RABGAP1: variants seen among roughly 807,000 people sequenced by gnomAD.
RABGAP1 encodes the protein rab GTPase-activating protein 1.
In RABGAP1, 23 loss-of-function variants were observed where a neutral mutation model predicts 137.6. The ratio of observed to expected loss-of-function variants is 0.17; its 90% CI spans 0.12 to 0.24. The LOEUF is 0.24. Among genes scored for constraint, RABGAP1 ranks in the 10% least tolerant of loss-of-function variants. RABGAP1 has a pLI of 1.00. For synonymous variants in RABGAP1, 451 were observed against 450.7 expected, an observed-to-expected ratio of 1.00 and a Z score of -0.01; for missense variants, 906 against 1,275.8, an observed-to-expected ratio of 0.71 and a Z score of 4.42.
At position 122,998,782 on chromosome 9, in the gene RABGAP1, A is replaced by G. The variant is rs1192926047; in HGVS notation, c.1374+16A>G. On this transcript the variant is annotated intron_variant, in intron 10 of 25. Transcript: ENST00000373647. ...ACTAAAACAGGTACTGTATTTTTCTATTAATATAGAAGGGGGAATAAGAAA... is the reference window on the plus strand; with the variant it reads ...ACTAAAACAGGTACTGTATTTTTCTGTTAATATAGAAGGGGGAATAAGAAA... 16 of 1,503,640 alleles carry G rather than the reference A, an allele frequency of 1.1e-5. No individual in the cohort carries two copies. Among genetic ancestry groups the G allele is most frequent in the Non-Finnish European group, 1.5e-5 (16 of 1,098,144 alleles). 93.1% of individuals were successfully genotyped at this position (1,503,640 alleles called of 1,614,324 possible).
At chr9:123,102,952 T>A in intron 25 of RABGAP1, 139 bp from the exon 26 acceptor site, 1 of 1,190,744 alleles carries the variant, frequency 8.4e-7, no homozygotes. Flanking sequence ...CAGGCATTTC[T>A]ATGCCAGTTG....
intron 13 of RABGAP1, among the ~76,000 whole-genome samples, chr9:123,028,570 A>G (rs1417213440): frequency 6.6e-6 from 1 of 152,214 alleles, no homozygotes; most frequent in Non-Finnish European, 1.5e-5. Flanking sequence ...GTCAGAGAGA[A>G]CAGCGTGTAC....
chr9:123,035,084 A>G (rs1168660941), intron 13 of RABGAP1: 1 of 1,614,014 alleles, frequency 6.2e-7, no homozygotes, highest in Non-Finnish European at 8.5e-7. Context: ...AAACCTGGAT[A>G]TCATGGAGAT....
intron 5 of RABGAP1, 110 bp downstream of exon 5, chr9:122,989,581 C>T (rs2131774870): frequency 1.6e-6 from 2 of 1,225,288 alleles, no homozygotes; most frequent in East Asian, 5.0e-5. Flanking sequence ...ATGAAATTCT[C>T]TGCTATTGTT....
chr9:123,016,243 A>G (rs2031219358), intron 12 of RABGAP1, among the ~76,000 whole-genome samples: 1 of 152,188 alleles, frequency 6.6e-6, no homozygotes. Context: ...GTAGTGGTTC[A>G]TGCCTGTAAT....
intron 19 of RABGAP1, among the ~76,000 whole-genome samples, chr9:123,086,156 A>G (rs2132197298): frequency 6.6e-6 from 1 of 152,304 alleles, no homozygotes; most frequent in South Asian, 2.1e-4. Context: ...GGACGAGAGT[A>G]TGAGGGAAGG....
intron 2 of RABGAP1, among the ~76,000 whole-genome samples, chr9:122,967,569 T>TG (rs1393819988): frequency 6.6e-6 from 1 of 152,196 alleles, no homozygotes; most frequent in African/African-American, 2.4e-5. Flanking sequence ...AAATCCATCT[T>TG]GTCTCCTTTT....
chr9:123,101,245 C>T (rs1270941765), intron 24 of RABGAP1, among the ~76,000 whole-genome samples: 1 of 152,132 alleles, frequency 6.6e-6, no homozygotes, highest in African/African-American at 2.4e-5. Flanking sequence ...AGTTTATCCC[C>T]TGCTTTTTTG....
chr9:122,990,074 A>T lies in RABGAP1; in HGVS notation c.784A>T (p.Ser262Cys), dbSNP rs1209855390. ...IQEAVSRILY[S>C]FATAFRRSAK... ...GTTGTAGGTAAGCCGGATACTTTAC[A>T]GTTTTGCCACTGCCTTCCGCCGTTC... The change falls in exon 6 of 26, where the codon AGT (serine) becomes TGT (cysteine). Residue 262 changes from serine to cysteine, a missense_variant. Ser to Cys is a moderately radical substitution (Grantham distance 112). This residue lies in a region of RABGAP1 where 331 missense variants were observed against 358.3 expected (regional missense o/e 0.92). Coordinates refer to ENST00000373647, the MANE Select transcript of RABGAP1 (RefSeq NM_012197.4). 1 of 1,608,482 alleles carries T rather than the reference A, an allele frequency of 6.2e-7. No individual in the cohort carries two copies. Among genetic ancestry groups the T allele is most frequent in the Admixed American group, 1.7e-5 (1 of 59,770 alleles).
chr9:123,003,394 C>G (rs1289049728), intron 10 of RABGAP1, among the ~76,000 whole-genome samples: 1 of 152,150 alleles, frequency 6.6e-6, no homozygotes, highest in Non-Finnish European at 1.5e-5. Flanking sequence ...GAGAAACATG[C>G]TACTTTTGTC....
At chr9:123,033,405 A>C (rs1457203352) in intron 13 of RABGAP1, 7 of 152,198 alleles carry the variant, frequency 4.6e-5, no homozygotes, top group Non-Finnish European at 7.3e-5. Context: ...GGGGGATTCC[A>C]GACAGACGAG....
At chr9:122,934,093 T>C in the RABGAP1 span, among the ~76,000 whole-genome samples, 1 of 151,298 alleles carries the variant, frequency 6.6e-6, no homozygotes, top group Non-Finnish European at 1.5e-5. Context: ...TTTTTTTTTT[T>C]TTGAGACAGA....
intron 2 of RABGAP1, among the ~76,000 whole-genome samples, chr9:122,968,349 A>C (rs990896610): frequency 6.7e-6 from 1 of 150,338 alleles, no homozygotes; most frequent in African/African-American, 2.5e-5. Flanking sequence ...CAGCCTCCTG[A>C]GTAGTTGGGA....
chr9:123,060,154 T>A (rs1176404525), intron 13 of RABGAP1, among the ~76,000 whole-genome samples: 2 of 152,226 alleles, frequency 1.3e-5, no homozygotes, highest in Admixed American at 6.5e-5. Flanking sequence ...GAGTGTAGTA[T>A]AATTTACATA....
intron 13 of RABGAP1, among the ~76,000 whole-genome samples, chr9:123,057,414 G>A (rs1292566105): frequency 4.6e-5 from 7 of 151,736 alleles, no homozygotes; most frequent in South Asian, 2.1e-4. Flanking sequence ...CATCCCAGAC[G>A]GGGCGGCAGG....
chr9:123,025,214 T>C (rs2031884979), intron 13 of RABGAP1, among the ~76,000 whole-genome samples: 1 of 152,222 alleles, frequency 6.6e-6, no homozygotes, highest in African/African-American at 2.4e-5. Flanking sequence ...TTCTCATATA[T>C]GCTGGGATTG....
At chr9:123,051,404 C>T (rs909402529) in intron 13 of RABGAP1, among the ~76,000 whole-genome samples, 1 of 151,566 alleles carries the variant, frequency 6.6e-6, no homozygotes, top group African/African-American at 2.4e-5. Flanking sequence ...TGTGCCACCA[C>T]GGCTGGCTAA....
intron 13 of RABGAP1, among the ~76,000 whole-genome samples, chr9:123,052,030 C>T (rs1211394837): frequency 6.7e-6 from 1 of 149,090 alleles, no homozygotes; most frequent in East Asian, 2.0e-4. Flanking sequence ...TGGTCTCGAT[C>T]TCCTCACCTT....
intron 13 of RABGAP1, among the ~76,000 whole-genome samples, chr9:123,054,055 C>A (rs912766544): frequency 6.6e-6 from 1 of 152,120 alleles, no homozygotes; most frequent in African/African-American, 2.4e-5. Context: ...ACTTTTAAAA[C>A]CAAGATGGGG....
Sources: allele counts gnomAD v4.1 joint callset (sites outside exome capture counted in the v4.1 genomes callset), GRCh38; gene constraint gnomAD v4.1.1; regional missense constraint gnomAD v4.1.1; transcripts MANE v1.5; gene names NCBI Gene and HGNC (gene_info 2026-07-23, HGNC 2026-07-21).